NEGR1: variants seen among roughly 807,000 people sequenced by gnomAD.
NEGR1 encodes neuronal growth regulator 1.
In NEGR1, 10 loss-of-function variants were observed where a neutral mutation model predicts 40.9. That is an observed-to-expected ratio of 0.24 (90% CI 0.15 to 0.42). The LOEUF (loss-of-function observed/expected upper bound fraction) is 0.42, where lower values mean the gene tolerates loss of function less well. NEGR1 is among the 10% of genes least tolerant of loss of function. NEGR1 has a pLI of 1.00. For synonymous variants in NEGR1, 185 were observed against 166.8 expected, an observed-to-expected ratio of 1.11 and a Z score of -0.84; for missense variants, 352 against 438.9, an observed-to-expected ratio of 0.80 and a Z score of 1.77.
intron 2 of NEGR1, among the ~76,000 whole-genome samples, chr1:71,788,343 A>G (rs1477573106): frequency 1.3e-5 from 2 of 152,110 alleles, no homozygotes; most frequent in Non-Finnish European, 1.5e-5. Context: ...TTATAATTCA[A>G]TATCAAAGAA....
chr1:71,522,088 G>A (rs1287063970), intron 6 of NEGR1, among the ~76,000 whole-genome samples: 2 of 151,906 alleles, frequency 1.3e-5, no homozygotes, highest in East Asian at 3.9e-4. Flanking sequence ...TTGCTCTTAT[G>A]GGTGCACACA....
intron 1 of NEGR1, among the ~76,000 whole-genome samples, chr1:71,943,192 A>C (rs1645987189): frequency 6.7e-6 from 1 of 148,658 alleles, no homozygotes; most frequent in Non-Finnish European, 1.5e-5. Flanking sequence ...TTATAAACAA[A>C]CTATACATAT....
chr1:71,712,020 G>T (rs1467388825), intron 3 of NEGR1, among the ~76,000 whole-genome samples: 1 of 152,164 alleles, frequency 6.6e-6, no homozygotes, highest in Non-Finnish European at 1.5e-5. Flanking sequence ...GGGTGGAGAA[G>T]GGGAGGCTGG....
rs946918712 is a variant in NEGR1, at chr1:71,399,936, A to T, written c.*7510T>A. ...TTATAGTCTTCAACGAATATTTTGT[A>T]AGTTTTTTTTCTAAGATATGGTCCC... is the stretch of plus-strand genomic sequence containing the variant. On this transcript the variant is annotated 3_prime_UTR_variant, in exon 7 of 7. Transcript: ENST00000357731. The T allele has an allele frequency of 6.6e-6, 1 of 152,114 alleles. No individual in the cohort carries two copies. The highest frequency in any genetic ancestry group is 1.9e-4 in the East Asian group (1 of 5,188). 9.4% of individuals were successfully genotyped at this position (152,114 alleles called of 1,614,324 possible).
Position 72,019,854 on chromosome 1 carries a change from C to T in NEGR1, c.177-84543G>A, listed in dbSNP as rs185279883. Among the ~76,000 whole-genome samples, 3 of 152,178 alleles carry T rather than the reference C, an allele frequency of 2.0e-5. No individual in the cohort carries two copies. In the East Asian group the frequency reaches 5.8e-4, roughly 29 times the overall value. On this transcript the variant is annotated intron_variant, in intron 1 of 6. Coordinates refer to ENST00000357731, the MANE Select transcript of NEGR1 (RefSeq NM_173808.3). ...TAAAGGCATTCTTCACTTAAATACT[C>T]AATATAAATAAAACCTTATGACTAT...
intron 2 of NEGR1, among the ~76,000 whole-genome samples, chr1:71,777,560 G>A (rs1272301327): frequency 6.6e-6 from 1 of 151,854 alleles, no homozygotes; most frequent in African/African-American, 2.4e-5. Context: ...TAAATAAATA[G>A]CAATTACACC....
chr1:72,246,241 C>T (rs932172273), intron 1 of NEGR1, among the ~76,000 whole-genome samples: 2 of 152,142 alleles, frequency 1.3e-5, no homozygotes, highest in African/African-American at 2.4e-5. Flanking sequence ...AGCCAGCCAA[C>T]AAAATAAAAT....
intron 1 of NEGR1, among the ~76,000 whole-genome samples, chr1:72,271,094 C>T (rs1350695458): frequency 6.6e-6 from 1 of 151,858 alleles, no homozygotes; most frequent in Non-Finnish European, 1.5e-5. Flanking sequence ...GGAACTCAAG[C>T]TCTGGTTACT....
intron 6 of NEGR1, among the ~76,000 whole-genome samples, chr1:71,469,421 AC>A (rs1447782166): frequency 6.6e-6 from 1 of 152,052 alleles, no homozygotes; most frequent in East Asian, 1.9e-4. Flanking sequence ...TCTAATAAGG[AC>A]TTTACTTCTG....
intron 6 of NEGR1, among the ~76,000 whole-genome samples, chr1:71,471,517 C>T (rs1646782122): frequency 6.6e-6 from 1 of 151,778 alleles, no homozygotes. Flanking sequence ...GTGGTAACAC[C>T]TGCCTGTAGT....
intron 6 of NEGR1, among the ~76,000 whole-genome samples, chr1:71,561,296 A>C (rs898605568): frequency 4.6e-5 from 7 of 151,670 alleles, no homozygotes; most frequent in African/African-American, 1.7e-4. Flanking sequence ...CCCATAGCCC[A>C]TGTTATTATA....
chr1:72,196,855 G>T (rs937848728), intron 1 of NEGR1, among the ~76,000 whole-genome samples: 1 of 151,396 alleles, frequency 6.6e-6, no homozygotes, highest in Admixed American at 6.6e-5. Context: ...AAGGCATAGT[G>T]CCACAAAAAG....
chr1:71,625,771 T>A (rs1054153240), intron 4 of NEGR1, among the ~76,000 whole-genome samples: 1 of 151,886 alleles, frequency 6.6e-6, no homozygotes, highest in African/African-American at 2.4e-5. Context: ...GCTGGACATA[T>A]CGTGTGCCTC....
chr1:71,885,577 A>C (rs1660701466), intron 2 of NEGR1, among the ~76,000 whole-genome samples: 1 of 152,228 alleles, frequency 6.6e-6, no homozygotes, highest in Admixed American at 6.5e-5. Context: ...TGAATTAAAA[A>C]ACACGAAGTG....
At chr1:71,473,199 A>G (rs1646793761) in intron 6 of NEGR1, among the ~76,000 whole-genome samples, 1 of 152,098 alleles carries the variant, frequency 6.6e-6, no homozygotes, top group African/African-American at 2.4e-5. Context: ...TGCACATTCA[A>G]TACCAGTCAG....
chr1:71,418,550 C>A (rs1646372269), intron 6 of NEGR1, among the ~76,000 whole-genome samples: 1 of 152,078 alleles, frequency 6.6e-6, no homozygotes, highest in Non-Finnish European at 1.5e-5. Context: ...CCTTTTAGCT[C>A]CTTGGGTTTA....
chr1:71,611,088 C>T lies in NEGR1; in HGVS notation c.726G>A (p.Leu242=). ...SGTVTPGRSG[L]IRCEGAGVPP... is the part of the protein sequence containing the mutation. ...GCACACCTGCACCTTCACATCTTAT[C>T]AGGCCACTGCGTCCGGGGGTCACGG... Residue 242 remains leucine (L), a synonymous_variant, in exon 5 of 7, where the codon CTG becomes CTA. Transcript: ENST00000357731. 1 of 1,614,010 alleles carries T rather than the reference C, an allele frequency of 6.2e-7. No individual in the cohort carries two copies. Among genetic ancestry groups the T allele is most frequent in the Non-Finnish European group, 8.5e-7 (1 of 1,179,900 alleles).
At chr1:71,779,962 G>T (rs1421478747) in intron 2 of NEGR1, among the ~76,000 whole-genome samples, 2 of 146,762 alleles carry the variant, frequency 1.4e-5, no homozygotes, top group Admixed American at 1.4e-4. Flanking sequence ...CAGCTCTGTC[G>T]TCAGAATAAG....
At chr1:71,936,119 A>C (rs1464220692) in intron 1 of NEGR1, among the ~76,000 whole-genome samples, 2 of 152,138 alleles carry the variant, frequency 1.3e-5, no homozygotes, top group Non-Finnish European at 2.9e-5. Flanking sequence ...TACTTTTAAA[A>C]TAGCTTGCAT....
Sources: gnomAD v4.1 joint callset for allele counts (sites outside exome capture counted in the v4.1 genomes callset) on GRCh38, gnomAD v4.1.1 for gene constraint, MANE v1.5 for transcripts, NCBI Gene and HGNC (gene_info 2026-07-23, HGNC 2026-07-21) for gene names.